Variants in SERGEF observed in about 807,000 individuals in gnomAD.
The protein encoded by SERGEF is secretion regulating guanine nucleotide exchange factor, also known as secretion-regulating guanine nucleotide exchange factor.
In SERGEF, 51 loss-of-function variants were observed where a neutral mutation model predicts 50.0. The observed-to-expected ratio is 1.02, with a 90% confidence interval of 0.81 to 1.29. SERGEF has a LOEUF of 1.29. SERGEF is among the 50% of genes most tolerant of loss of function. The pLI is 0.00. For synonymous variants in SERGEF, 205 were observed against 212.4 expected, an observed-to-expected ratio of 0.97 and a Z score of 0.30; for missense variants, 521 against 557.0, an observed-to-expected ratio of 0.94 and a Z score of 0.65.
intron 9 of SERGEF, among the ~76,000 whole-genome samples, chr11:17,895,126 C>T (rs1851596707): frequency 1.3e-5 from 2 of 152,170 alleles, no homozygotes; most frequent in South Asian, 4.1e-4. Context: ...TGGGCCACTG[C>T]CAGGCATGAG....
intron 9 of SERGEF, among the ~76,000 whole-genome samples, chr11:17,886,068 G>A (rs1016418253): frequency 2.0e-5 from 3 of 151,896 alleles, no homozygotes; most frequent in Non-Finnish European, 2.9e-5. Context: ...GATGCCCCCC[G>A]CCCCCACTTC....
At chr11:17,909,011 T>C (rs1054844201) in intron 9 of SERGEF, among the ~76,000 whole-genome samples, 1 of 152,196 alleles carries the variant, frequency 6.6e-6, no homozygotes, top group Non-Finnish European at 1.5e-5. Context: ...ATAAATAGTT[T>C]AGCCTGGAAT....
chr11:17,826,877 G>C (rs149101158), intron 10 of SERGEF, among the ~76,000 whole-genome samples: 2 of 152,186 alleles, frequency 1.3e-5, no homozygotes, highest in East Asian at 3.9e-4. Context: ...TATCATATAT[G>C]TCAGGACTTT....
intron 10 of SERGEF, among the ~76,000 whole-genome samples, chr11:17,795,416 G>C (rs902213594): frequency 6.6e-6 from 1 of 152,198 alleles, no homozygotes; most frequent in African/African-American, 2.4e-5. Flanking sequence ...AGGTCCTCAC[G>C]TCCCTTGCCC....
Position 17,788,116 on chromosome 11 carries a change from T to G in SERGEF, c.1346A>C (p.Gln449Pro). The change falls in exon 11 of 11, where the codon CAA becomes CCA. Residue 449 changes from glutamine to proline, a missense_variant. Physicochemically the swap from Gln to Pro is moderately conservative, Grantham distance 76. Transcript: ENST00000265965. ...TCCCCCATTTCTGGACCAGTCAGATTGGCTTTGGGTTGAAGTTTCTGATTG... is the reference window on the plus strand; with the variant it reads ...TCCCCCATTTCTGGACCAGTCAGATGGGCTTTGGGTTGAAGTTTCTGATTG... ...ERQSETSTQS[Q>P]SDWSRNGGL The G allele has an allele frequency of 1.3e-6, 2 of 1,551,568 alleles. No homozygotes were observed. The highest frequency in any genetic ancestry group is 1.9e-5 in the Admixed American group (1 of 53,834).
At chr11:17,985,477 G>A (rs1195885431) in intron 8 of SERGEF, among the ~76,000 whole-genome samples, 1 of 152,170 alleles carries the variant, frequency 6.6e-6, no homozygotes, top group Admixed American at 6.5e-5. Context: ...AATCTCAGAT[G>A]AGACACCTGC....
At chr11:17,931,752 A>G (rs1021572221) in intron 9 of SERGEF, among the ~76,000 whole-genome samples, 1 of 152,214 alleles carries the variant, frequency 6.6e-6, no homozygotes. Context: ...TTCTCAAAGC[A>G]TAGTCCCAGA....
chr11:17,903,862 G>A (rs879428325), intron 9 of SERGEF, among the ~76,000 whole-genome samples: 4 of 152,180 alleles, frequency 2.6e-5, no homozygotes, highest in Non-Finnish European at 5.9e-5. Flanking sequence ...CAGCCGTGGA[G>A]AAAAAGGGAA....
Position 17,863,132 on chromosome 11 carries a change from C to T in SERGEF, c.1048+15076G>A, listed in dbSNP as rs117685837. On this transcript the variant is annotated intron_variant, in intron 10 of 10. Transcript: ENST00000265965. The stretch of plus-strand genomic sequence containing the variant: ...CTTCTTTGAGTTCTCATCTGAAAAA[C>T]GGGGACAATTTCTATCTACTTTCTA... Among the ~76,000 whole-genome samples the T allele has an allele frequency of 1.8e-4, 28 of 152,286 alleles. No homozygotes were observed. The East Asian group carries it at 3.3e-3, about 18-fold the overall frequency.
intron 5 of SERGEF, among the ~76,000 whole-genome samples, chr11:17,998,545 T>C (rs1404591277): frequency 2.2e-5 from 3 of 135,026 alleles, no homozygotes; most frequent in African/African-American, 8.0e-5. Context: ...TGTGTGTGTG[T>C]GTATGTGTAT....
At chr11:17,964,894 TC>T (rs1302170275) in intron 8 of SERGEF, among the ~76,000 whole-genome samples, 2 of 152,142 alleles carry the variant, frequency 1.3e-5, no homozygotes, top group African/African-American at 4.8e-5. Flanking sequence ...CAGGGACTAG[TC>T]AAACACAGAA....
chr11:18,008,586 G>A (rs554510456), intron 1 of SERGEF, among the ~76,000 whole-genome samples: 140 of 152,264 alleles, frequency 9.2e-4, no homozygotes, highest in African/African-American at 3.2e-3. Context: ...GGAGGTAATG[G>A]GGTAAAATGG....
intron 10 of SERGEF, among the ~76,000 whole-genome samples, chr11:17,868,688 G>A (rs1208937828): frequency 6.6e-6 from 1 of 152,118 alleles, no homozygotes; most frequent in Admixed American, 6.6e-5. Context: ...GGCAATTTAC[G>A]AAATAAAGAG....
At position 17,819,230 on chromosome 11, in the gene SERGEF, T is replaced by C. The variant is rs185592108; in HGVS notation, c.1049-30817A>G. ...CCATTAATTCAGTAAAGCCTATAAA[T>C]GCAACTGTATTTTAGTCAACACCAT... is the stretch of plus-strand genomic sequence containing the variant. On this transcript the variant is annotated intron_variant, in intron 10 of 10. Coordinates refer to ENST00000265965, the MANE Select transcript of SERGEF (RefSeq NM_012139.4). Among the ~76,000 whole-genome samples the C allele has an allele frequency of 2.6e-5, 4 of 152,344 alleles. No individual in the cohort carries two copies. In the East Asian group the frequency reaches 7.7e-4, roughly 29 times the overall value.
intron 10 of SERGEF, among the ~76,000 whole-genome samples, chr11:17,842,525 T>C (rs1590149569): frequency 6.6e-6 from 1 of 152,228 alleles, no homozygotes; most frequent in East Asian, 1.9e-4. Context: ...CTATGAGGTA[T>C]ACATTACTAG....
At chr11:17,854,400 C>A (rs1850775615) in intron 10 of SERGEF, among the ~76,000 whole-genome samples, 1 of 152,140 alleles carries the variant, frequency 6.6e-6, no homozygotes, top group African/African-American at 2.4e-5. Context: ...CCTATTCTTT[C>A]CTCTCTCCAG....
intron 8 of SERGEF, among the ~76,000 whole-genome samples, chr11:17,959,977 T>G (rs1759914988): frequency 6.6e-6 from 1 of 152,196 alleles, no homozygotes; most frequent in African/African-American, 2.4e-5. Flanking sequence ...ATTCCCTCCC[T>G]TCCCCACACA....
rs148141490 is a variant in SERGEF, at chr11:17,844,839, G to A, written c.1048+33369C>T. On this transcript the variant is annotated intron_variant, in intron 10 of 10. Coordinates refer to ENST00000265965, the MANE Select transcript of SERGEF (RefSeq NM_012139.4). ...GTGTCCAATCTTTTGGCGTCCCTGG[G>A]CCACACTGGAAGAAGAATTGGGCCA... is the stretch of plus-strand genomic sequence containing the variant. Among the ~76,000 whole-genome samples the A allele has an allele frequency of 1.8e-3, 280 of 151,640 alleles. 1 individual carries two copies. Among genetic ancestry groups the A allele is most frequent in the African/African-American group, 6.6e-3 (274 of 41,276 alleles).
chr11:18,005,009 C>T (rs1854045072), intron 3 of SERGEF, among the ~76,000 whole-genome samples: 1 of 152,182 alleles, frequency 6.6e-6, no homozygotes, highest in Non-Finnish European at 1.5e-5. Flanking sequence ...ACATAGGAAG[C>T]ATTTCCCTGT....
Sources: allele counts gnomAD v4.1 joint callset (sites outside exome capture counted in the v4.1 genomes callset), GRCh38; gene constraint gnomAD v4.1.1; transcripts MANE v1.5; gene names NCBI Gene and HGNC (gene_info 2026-07-23, HGNC 2026-07-21).